The following SACM1L variants were observed in gnomAD, a reference collection of about 807,000 sequenced individuals.
SACM1L encodes phosphatidylinositol-3-phosphatase SAC1.
SACM1L carries 32 observed loss-of-function variants against 89.5 expected under a neutral mutation model. The ratio of observed to expected loss-of-function variants is 0.36; its 90% CI spans 0.27 to 0.48. The LOEUF is 0.48. Ranked by LOEUF, SACM1L falls within the 20% of genes least tolerant of loss-of-function variation. SACM1L has a pLI of 0.99. For missense variants in SACM1L, 543 were observed against 708.5 expected, an observed-to-expected ratio of 0.77 and a Z score of 2.65; for synonymous variants, 213 against 232.8, an observed-to-expected ratio of 0.92 and a Z score of 0.77.
At chr3:45,731,034 G>A (rs1466092398) in intron 11 of SACM1L, among the ~76,000 whole-genome samples, 1 of 152,204 alleles carries the variant, frequency 6.6e-6, no homozygotes, top group African/African-American at 2.4e-5. Context: ...CTGAGGAGGG[G>A]CTGGGTCAAG....
rs535979309 is a variant in SACM1L, at chr3:45,736,886, C to T, written c.1240-697C>T. On this transcript the variant is annotated intron_variant, in intron 14 of 19. Transcript: ENST00000389061. ...AGAGTTCTTACCCAGCTAAAGGTCA[C>T]CAAGGTGGCTCCTGTGCTGTGTCTG... Among the ~76,000 whole-genome samples, 3 of 152,250 alleles carry T rather than the reference C, an allele frequency of 2.0e-5. No individual in the cohort carries two copies. In the South Asian group the frequency reaches 6.2e-4, roughly 32 times the overall value.
chr3:45,697,383 C>G (rs1478556491), intron 1 of SACM1L, among the ~76,000 whole-genome samples: 1 of 146,104 alleles, frequency 6.8e-6, no homozygotes, highest in Non-Finnish European at 1.5e-5. Flanking sequence ...TTGAAGTGAT[C>G]CTCCGACCTC....
intron 5 of SACM1L, among the ~76,000 whole-genome samples, chr3:45,712,775 G>C (rs1698558264): frequency 6.6e-6 from 1 of 151,738 alleles, no homozygotes; most frequent in African/African-American, 2.4e-5. Flanking sequence ...GAGTGGCGAG[G>C]GCTAATGCCT....
At chr3:45,732,633 C>T (rs1035161878) in intron 13 of SACM1L, among the ~76,000 whole-genome samples, 1 of 152,046 alleles carries the variant, frequency 6.6e-6, no homozygotes, top group Admixed American at 6.6e-5. Flanking sequence ...ATTGTGGTGC[C>T]ATGAATCATT....
intron 4 of SACM1L, among the ~76,000 whole-genome samples, 178 bp from the exon 5 acceptor site, chr3:45,709,318 CTG>C (rs1260310161): frequency 6.6e-6 from 1 of 152,184 alleles, no homozygotes; most frequent in Non-Finnish European, 1.5e-5. Flanking sequence ...TGAGTATCTT[CTG>C]TGTGTCAGGA....
intron 1 of SACM1L, among the ~76,000 whole-genome samples, chr3:45,701,052 T>C (rs2125684429): frequency 6.6e-6 from 1 of 152,356 alleles, no homozygotes; most frequent in South Asian, 2.1e-4. Context: ...TTTAGATGCC[T>C]TGGTGTTTGG....
intron 11 of SACM1L, among the ~76,000 whole-genome samples, chr3:45,727,366 G>T (rs914463557): frequency 6.6e-6 from 1 of 152,056 alleles, no homozygotes; most frequent in Admixed American, 6.5e-5. Context: ...GTTGTGATCA[G>T]AATATATACT....
At chr3:45,736,336 G>A (rs1553655996) in intron 14 of SACM1L, among the ~76,000 whole-genome samples, 1 of 152,048 alleles carries the variant, frequency 6.6e-6, no homozygotes, top group African/African-American at 2.4e-5. Context: ...TTTCTTCTGT[G>A]TATATTTGGA....
chr3:45,712,682 G>GGCA (rs1698555700), intron 5 of SACM1L, among the ~76,000 whole-genome samples: 1 of 152,178 alleles, frequency 6.6e-6, no homozygotes, highest in East Asian at 1.9e-4. Flanking sequence ...TGGTTCTTTA[G>GGCA]ATGACAGAGT....
chr3:45,694,871 C>T (rs1698085907), intron 1 of SACM1L, among the ~76,000 whole-genome samples: 1 of 152,154 alleles, frequency 6.6e-6, no homozygotes. Flanking sequence ...GAATTTGGAC[C>T]TAGTCCTGTG....
intron 19 of SACM1L, among the ~76,000 whole-genome samples, chr3:45,741,361 G>A (rs1312798050): frequency 6.6e-6 from 1 of 152,082 alleles, no homozygotes; most frequent in Non-Finnish European, 1.5e-5. Flanking sequence ...TTCAGAGGTG[G>A]TATACCTCTT....
intron 13 of SACM1L, 74 bp downstream of exon 13, chr3:45,732,225 C>T (rs1699091674): frequency 1.3e-6 from 1 of 791,856 alleles, no homozygotes; most frequent in Non-Finnish European, 2.0e-6. Flanking sequence ...TATGCGTCAT[C>T]CAGCAGACTT....
chr3:45,724,941 G>A (rs374906419), intron 11 of SACM1L, among the ~76,000 whole-genome samples: 49 of 152,216 alleles, frequency 3.2e-4, no homozygotes, highest in East Asian at 9.6e-4. Flanking sequence ...TTTATAAAAA[G>A]ACTGTTCTTT....
chr3:45,712,851 T>G (rs1698560091), intron 5 of SACM1L, among the ~76,000 whole-genome samples: 1 of 151,914 alleles, frequency 6.6e-6, no homozygotes, highest in Non-Finnish European at 1.5e-5. Flanking sequence ...ATAGTGGGAG[T>G]AGAAATGTAA....
intron 7 of SACM1L, among the ~76,000 whole-genome samples, chr3:45,719,032 T>A (rs547161594): frequency 6.6e-6 from 1 of 152,220 alleles, no homozygotes. Context: ...AATCTTCATA[T>A]GCTTACCAGC....
At chr3:45,694,381 T>TG (rs1360976311) in intron 1 of SACM1L, among the ~76,000 whole-genome samples, 2 of 152,176 alleles carry the variant, frequency 1.3e-5, no homozygotes, top group Admixed American at 6.5e-5. Context: ...TAAGCTACCT[T>TG]GTGATACAGA....
At chr3:45,717,047 A>C (rs1227256047) in intron 7 of SACM1L, among the ~76,000 whole-genome samples, 1 of 152,178 alleles carries the variant, frequency 6.6e-6, no homozygotes, top group Admixed American at 6.5e-5. Flanking sequence ...TAATTTGGGT[A>C]AGGGAGCAAA....
chr3:45,726,766 T>A (rs1698927939), intron 11 of SACM1L, among the ~76,000 whole-genome samples: 1 of 152,156 alleles, frequency 6.6e-6, no homozygotes. Flanking sequence ...CTTCTTTTTC[T>A]TGTTCCTTAA....
chr3:45,716,219 A>G (rs1300400477), intron 7 of SACM1L, among the ~76,000 whole-genome samples: 1 of 152,146 alleles, frequency 6.6e-6, no homozygotes, highest in Non-Finnish European at 1.5e-5. Flanking sequence ...CATGTCTGTA[A>G]TCTCAGTGCC....
Sources: gnomAD v4.1 joint callset for allele counts (sites outside exome capture counted in the v4.1 genomes callset) on GRCh38, gnomAD v4.1.1 for gene constraint, MANE v1.5 for transcripts, NCBI Gene and HGNC (gene_info 2026-07-23, HGNC 2026-07-21) for gene names.